The following NFATC2IP variants were observed in gnomAD, a reference collection of about 807,000 sequenced individuals.
The protein encoded by NFATC2IP is nuclear factor of activated T cells 2 interacting protein.
NFATC2IP carries 25 observed loss-of-function variants against 40.2 expected under a neutral mutation model. The ratio of observed to expected loss-of-function variants is 0.62; its 90% CI spans 0.45 to 0.87. NFATC2IP has a LOEUF of 0.87. NFATC2IP is among the 40% of genes least tolerant of loss of function. The pLI is 0.00. For missense variants in NFATC2IP, 553 were observed against 555.6 expected, an observed-to-expected ratio of 1.00 and a Z score of 0.05; for synonymous variants, 241 against 236.3, an observed-to-expected ratio of 1.02 and a Z score of -0.18.
chr16:28,963,768 C>T lies in NFATC2IP; in HGVS notation c.1165C>T (p.Leu389Phe). The change falls in exon 8 of 8, where the codon CTC becomes TTC. Residue 389 changes from leucine to phenylalanine, a missense_variant. By Grantham distance (22) the Leu-to-Phe change is conservative (BLOSUM62 0). Coordinates refer to ENST00000320805, the MANE Select transcript of NFATC2IP (RefSeq NM_032815.4). The stretch of plus-strand genomic sequence containing the variant: ...GGCCATGGGACTGTCGGGACGGAAG[C>T]TCTCCTTCTTCTTTGATGGGACAAA... ...EEAMGLSGRK[L>F]SFFFDGTKLS... is the part of the protein sequence containing the mutation. 6.2e-7 allele frequency: 1 copy of T among 1,614,116 alleles called. No homozygotes were observed. Among genetic ancestry groups the T allele is most frequent in the Non-Finnish European group, 8.5e-7 (1 of 1,179,928 alleles).
chr16:28,962,405 G>A (rs147200758), intron 7 of NFATC2IP, among the ~76,000 whole-genome samples: 100 of 152,280 alleles, frequency 6.6e-4, no homozygotes, highest in Non-Finnish European at 1.0e-3. Context: ...CAACTATTGG[G>A]AAGTTCTCCA....
chr16:28,955,826 C>T (rs922054634), intron 3 of NFATC2IP, 152 bp from the exon 4 acceptor site: 18 of 650,106 alleles, frequency 2.8e-5, no homozygotes, highest in Non-Finnish European at 3.8e-5. Flanking sequence ...TGGGCTCGAG[C>T]GATCCTCCTG....
At position 28,955,995 on chromosome 16, in the gene NFATC2IP, C is replaced by T. The variant is rs1965016957; in HGVS notation, c.596C>T (p.Pro199Leu). 2 of 1,613,972 alleles carry T rather than the reference C, an allele frequency of 1.2e-6. No homozygotes were observed. Among genetic ancestry groups the T allele is most frequent in the Non-Finnish European group, 1.7e-6 (2 of 1,179,876 alleles). The change falls in exon 4 of 8, where the codon CCT becomes CTT. Residue 199 changes from proline to leucine, a missense_variant. Physicochemically the swap from Pro to Leu is moderately conservative, Grantham distance 98. Coordinates refer to ENST00000320805, the MANE Select transcript of NFATC2IP (RefSeq NM_032815.4). ...TTCTACAGGGATCTGGACAACTCTC[C>T]TCTGTCCCCACCTTCACCAAGGACC... The part of the protein sequence containing the change: ...KTEFLDLDNS[P>L]LSPPSPRTKS...
At chr16:28,952,568 A>G in intron 2 of NFATC2IP, 1 of 245,420 alleles carries the variant, frequency 4.1e-6, no homozygotes, top group Non-Finnish European at 8.0e-6. Flanking sequence ...TCCCCCACTG[A>G]TGCATTTTTT....
In NFATC2IP at chr16:28,958,994, G is replaced by A. The variant is rs1366729332; in HGVS notation, c.995G>A (p.Cys332Tyr). ...LKLGVADIID[C>Y]VVLTSSPEAT... ...TTCCTGATTCTGCCTCCCACAGACT[G>A]TGTGGTACTAACAAGTTCTCCAGAG... The change falls in exon 7 of 8, where the codon TGT becomes TAT. Residue 332 changes from cysteine to tyrosine, a missense_variant. Transcript: ENST00000320805. The A allele has an allele frequency of 2.5e-6, 4 of 1,612,406 alleles. No individual in the cohort carries two copies. In the Admixed American group the frequency reaches 6.7e-5, roughly 27 times the overall value.
In NFATC2IP at chr16:28,958,805, A is replaced by G. The variant is rs774429061; in HGVS notation, c.935A>G (p.Glu312Gly). Residue 312 changes from glutamate (E) to glycine (G), a missense_variant, in exon 6 of 8, where the codon GAG becomes GGG. Physicochemically the swap from Glu to Gly is moderately conservative, Grantham distance 98 (BLOSUM62 -2). Coordinates refer to ENST00000320805, the MANE Select transcript of NFATC2IP (RefSeq NM_032815.4). ...ATCCTTTTGCTTTTTGGAGAGACAG[A>G]GCTATCACCTACTGCCACTCCCAGG... is the stretch of plus-strand genomic sequence containing the variant. Reference protein sequence around the residue: ...SRILLLFGETELSPTATPRTL... With the variant: ...SRILLLFGETGLSPTATPRTL... 1.2e-6 allele frequency: 2 copies of G among 1,613,888 alleles called. No individual in the cohort carries two copies. Among genetic ancestry groups the G allele is most frequent in the African/African-American group, 2.7e-5 (2 of 74,854 alleles).
At chr16:28,952,284 CAGTT>C in intron 2 of NFATC2IP, 80 bp downstream of exon 2, 1 of 1,594,178 alleles carries the variant, frequency 6.3e-7, no homozygotes, top group East Asian at 2.2e-5. Flanking sequence ...TTCCTGCAGT[CAGTT>C]GTCTCCTGAG....
intron 5 of NFATC2IP, 161 bp from the exon 6 acceptor site, chr16:28,958,556 T>C: frequency 4.6e-6 from 3 of 647,152 alleles, no homozygotes. Context: ...TACCCCTTGC[T>C]GACACGATTT....
At chr16:28,953,774 C>T (rs1180619337) in intron 2 of NFATC2IP, among the ~76,000 whole-genome samples, 1 of 151,972 alleles carries the variant, frequency 6.6e-6, no homozygotes, top group African/African-American at 2.4e-5. Flanking sequence ...AAAAATTAAC[C>T]AGGCATGGTG....
chr16:28,953,911 T>G, intron 2 of NFATC2IP, among the ~76,000 whole-genome samples: 1 of 143,214 alleles, frequency 7.0e-6, no homozygotes, highest in South Asian at 2.4e-4. Context: ...CAGTAGGACC[T>G]GGTCTCAAAA....
At chr16:28,961,004 C>A (rs11639851) in intron 7 of NFATC2IP, among the ~76,000 whole-genome samples, 1 of 152,008 alleles carries the variant, frequency 6.6e-6, no homozygotes, top group Admixed American at 6.6e-5. Context: ...TCAAGGCAGT[C>A]TAGGTTTTTC....
At chr16:28,954,428 G>A (rs1964998433) in intron 2 of NFATC2IP, 137 bp from the exon 3 acceptor site, 3 of 578,674 alleles carry the variant, frequency 5.2e-6, no homozygotes, top group Admixed American at 4.8e-5. Context: ...ATATTATCAT[G>A]TGGCCCTGTG....
Position 28,963,784 on chromosome 16 carries a change from A to G in NFATC2IP, c.1181A>G (p.Asp394Gly). 1 of 1,614,136 alleles carries G rather than the reference A, an allele frequency of 6.2e-7. No individual in the cohort carries two copies. The highest frequency in any genetic ancestry group is 1.7e-5 in the Admixed American group (1 of 60,020). The stretch of plus-strand genomic sequence containing the variant: ...GGACGGAAGCTCTCCTTCTTCTTTG[A>G]TGGGACAAAGCTTTCAGGCAGGGAG... ...LSGRKLSFFF[D>G]GTKLSGRELP... The change falls in exon 8 of 8, where the codon GAT becomes GGT. Residue 394 changes from aspartate (D) to glycine (G), a missense_variant. Asp to Gly is a moderately conservative substitution (Grantham distance 94). Transcript: ENST00000320805.
chr16:28,959,610 C>G (rs969239139), intron 7 of NFATC2IP, among the ~76,000 whole-genome samples: 1 of 145,322 alleles, frequency 6.9e-6, no homozygotes, highest in Non-Finnish European at 1.5e-5. Flanking sequence ...GAGTCTCGCC[C>G]TGTCGCCCAG....
intron 7 of NFATC2IP, among the ~76,000 whole-genome samples, chr16:28,960,770 C>T (rs566571073): frequency 1.4e-4 from 22 of 152,078 alleles, no homozygotes; most frequent in Non-Finnish European, 3.1e-4. Flanking sequence ...GCCATGATTG[C>T]GCCACCTTTA....
At chr16:28,962,577 G>A (rs796833741) in intron 7 of NFATC2IP, among the ~76,000 whole-genome samples, 2 of 152,172 alleles carry the variant, frequency 1.3e-5, no homozygotes, top group South Asian at 2.1e-4. Flanking sequence ...GGTCTTTCTA[G>A]TGACCAGCAC....
At position 28,966,020 on chromosome 16, in the gene NFATC2IP, A is replaced by G; in HGVS notation, c.*2157A>G. 1 of 152,184 alleles carries G rather than the reference A, an allele frequency of 6.6e-6. No homozygotes were observed. Among genetic ancestry groups the G allele is most frequent in the East Asian group, 1.9e-4 (1 of 5,198 alleles). 9.4% of individuals were successfully genotyped at this position (152,184 alleles called of 1,614,324 possible). On this transcript the variant is annotated 3_prime_UTR_variant, in exon 8 of 8. Transcript: ENST00000320805. ...CAGTGAACAGAGACAGTGCCACTGC[A>G]CATCAGCCTGAGTGACAGAGAGACT...
intron 7 of NFATC2IP, among the ~76,000 whole-genome samples, chr16:28,960,134 G>A (rs887281582): frequency 6.6e-6 from 1 of 152,072 alleles, no homozygotes; most frequent in Non-Finnish European, 1.5e-5. Context: ...GTCTCTGTCT[G>A]TGTTCGTCTC....
At chr16:28,953,364 C>T (rs1404704431) in intron 2 of NFATC2IP, among the ~76,000 whole-genome samples, 1 of 152,168 alleles carries the variant, frequency 6.6e-6, no homozygotes, top group Non-Finnish European at 1.5e-5. Context: ...TGAGCCACCA[C>T]GCCCAGCCTG....
Sources: gnomAD v4.1 joint callset for allele counts (sites outside exome capture counted in the v4.1 genomes callset) on GRCh38, gnomAD v4.1.1 for gene constraint, MANE v1.5 for transcripts, NCBI Gene and HGNC (gene_info 2026-07-23, HGNC 2026-07-21) for gene names.